AP3B1: variants seen among roughly 807,000 people sequenced by gnomAD.
AP3B1 encodes the protein AP-3 complex subunit beta-1.
A neutral mutation model predicts 132.5 loss-of-function variants in AP3B1; 61 were observed. That is an observed-to-expected ratio of 0.46 (90% CI 0.37 to 0.57). The LOEUF (loss-of-function observed/expected upper bound fraction) is 0.57. Ranked by LOEUF, AP3B1 falls within the 20% of genes least tolerant of loss-of-function variation. AP3B1 has a pLI of 0.00. For synonymous variants in AP3B1, 388 were observed against 438.3 expected, an observed-to-expected ratio of 0.89 and a Z score of 1.43; for missense variants, 1,120 against 1,289.4, an observed-to-expected ratio of 0.87 and a Z score of 2.01.
intron 22 of AP3B1, among the ~76,000 whole-genome samples, chr5:78,079,680 G>T (rs1749908208): frequency 6.6e-6 from 1 of 152,088 alleles, no homozygotes; most frequent in African/African-American, 2.4e-5. Context: ...ATTTAATGTA[G>T]CTCACATTTA....
chr5:78,086,690 G>A (rs773415425), intron 22 of AP3B1, among the ~76,000 whole-genome samples: 1 of 152,174 alleles, frequency 6.6e-6, no homozygotes, highest in African/African-American at 2.4e-5. Context: ...AGATCCTGAC[G>A]ATACAGACTG....
chr5:78,161,262 A>T (rs1370067435), intron 13 of AP3B1, among the ~76,000 whole-genome samples: 1 of 151,996 alleles, frequency 6.6e-6, no homozygotes, highest in Non-Finnish European at 1.5e-5. Flanking sequence ...CCAAAGCTTG[A>T]AATTTTCCAT....
At chr5:78,274,757 C>T (rs1250857962) in intron 1 of AP3B1, among the ~76,000 whole-genome samples, 1 of 152,012 alleles carries the variant, frequency 6.6e-6, no homozygotes, top group Non-Finnish European at 1.5e-5. Flanking sequence ...CCAGTCTCTA[C>T]AAAAAATATT....
At chr5:78,203,010 G>C (rs1009213102) in intron 7 of AP3B1, among the ~76,000 whole-genome samples, 2 of 152,104 alleles carry the variant, frequency 1.3e-5, no homozygotes, top group Non-Finnish European at 2.9e-5. Flanking sequence ...GAACTTACTT[G>C]TTGACTTTTT....
At chr5:78,045,380 CAAAAAAAAAAA>C (rs71608139) in intron 22 of AP3B1, among the ~76,000 whole-genome samples, 2 of 63,918 alleles carry the variant, frequency 3.1e-5, no homozygotes, top group Non-Finnish European at 6.5e-5. Flanking sequence ...GGCTCTGTCT[CAAAAAAAAAAA>C]AAAAAAAAAC....
intron 8 of AP3B1, among the ~76,000 whole-genome samples, chr5:78,180,700 T>C (rs1744328221): frequency 6.6e-6 from 1 of 151,990 alleles, no homozygotes; most frequent in African/African-American, 2.4e-5. Flanking sequence ...TACAGTATGA[T>C]TTTTATCTTG....
chr5:78,136,073 A>G (rs977681368), intron 15 of AP3B1, among the ~76,000 whole-genome samples: 2 of 152,070 alleles, frequency 1.3e-5, no homozygotes, highest in Non-Finnish European at 2.9e-5. Flanking sequence ...TCTCAGTAGG[A>G]TAAACCCAAA....
chr5:78,069,592 A>C (rs1749448210), intron 22 of AP3B1, among the ~76,000 whole-genome samples: 1 of 152,216 alleles, frequency 6.6e-6, no homozygotes, highest in Non-Finnish European at 1.5e-5. Context: ...CTGCTCAAGG[A>C]AATCAGAGAG....
At chr5:78,119,680 T>A (rs1421377682) in intron 17 of AP3B1, among the ~76,000 whole-genome samples, 9 of 152,090 alleles carry the variant, frequency 5.9e-5, no homozygotes, top group Admixed American at 5.9e-4. Flanking sequence ...CCAAGAAATG[T>A]GGGACTATGT....
At chr5:78,095,937 G>A (rs1750751851) in intron 21 of AP3B1, among the ~76,000 whole-genome samples, 1 of 152,180 alleles carries the variant, frequency 6.6e-6, no homozygotes. Context: ...TGGGATCAAA[G>A]TTCCCTTAAA....
chr5:78,163,704 T>C (rs1425676726), intron 12 of AP3B1, among the ~76,000 whole-genome samples: 2 of 149,586 alleles, frequency 1.3e-5, no homozygotes, highest in African/African-American at 4.9e-5. Flanking sequence ...AATAAAGAAA[T>C]AAATCACTGA....
chr5:78,200,658 C>G (rs1287586866), intron 7 of AP3B1, among the ~76,000 whole-genome samples: 6 of 152,032 alleles, frequency 3.9e-5, no homozygotes, highest in Non-Finnish European at 8.8e-5. Flanking sequence ...TCATTAAAAA[C>G]AACAACAAAA....
intron 7 of AP3B1, among the ~76,000 whole-genome samples, chr5:78,195,961 C>T (rs1745063947): frequency 6.6e-6 from 1 of 152,074 alleles, no homozygotes; most frequent in South Asian, 2.1e-4. Context: ...ATCTAGATGA[C>T]CTTGGGTATG....
Position 78,242,532 on chromosome 5 carries a change from G to A in AP3B1, c.205-1596C>T, listed in dbSNP as rs143496876. On this transcript the variant is annotated intron_variant, in intron 2 of 26. Coordinates refer to ENST00000255194, the MANE Select transcript of AP3B1 (RefSeq NM_003664.5). ...AGCGATTCTCCTGCTTCAGTCTCCCGAGTAGCTGGGATTACAGGCACCTGA... is the reference window on the plus strand; with the variant it reads ...AGCGATTCTCCTGCTTCAGTCTCCCAAGTAGCTGGGATTACAGGCACCTGA... 3.1e-3 allele frequency among the ~76,000 whole-genome samples: 471 copies of A among 152,098 alleles called. 2 individuals are homozygous for A. Among genetic ancestry groups the A allele is most frequent in the African/African-American group, 0.011 (447 of 41,482 alleles).
Position 78,181,662 on chromosome 5 carries a change from C to G in AP3B1, c.787G>C (p.Gly263Arg), listed in dbSNP as rs1044368703. ...RTQFVSPWKE[G>R]DELEDNGKNF... is the part of the protein sequence containing the mutation. ...TTTCCATTGTCTTCTAATTCATCAC[C>G]CTACAATGAAAGAAATCCAACCCAA... The change falls in exon 8 of 27, where the codon GGT (glycine) becomes CGT (arginine). Residue 263 changes from glycine to arginine, a missense_variant and splice_region_variant. By Grantham distance (125) the Gly-to-Arg change is moderately radical. This residue lies in a region of AP3B1 where 906 missense variants were observed against 997.1 expected (regional missense o/e 0.91). Coordinates refer to ENST00000255194, the MANE Select transcript of AP3B1 (RefSeq NM_003664.5). 1.2e-6 allele frequency: 2 copies of G among 1,610,976 alleles called. No homozygotes were observed. Among genetic ancestry groups the G allele is most frequent in the African/African-American group, 2.7e-5 (2 of 74,812 alleles).
chr5:78,226,448 A>C (rs769278277), intron 5 of AP3B1, among the ~76,000 whole-genome samples: 6 of 152,114 alleles, frequency 3.9e-5, no homozygotes, highest in Non-Finnish European at 5.9e-5. Context: ...CCATCTCATT[A>C]CATCTTTACT....
intron 7 of AP3B1, among the ~76,000 whole-genome samples, chr5:78,202,832 TAAAC>T (rs1176638623): frequency 6.6e-6 from 1 of 152,168 alleles, no homozygotes; most frequent in African/African-American, 2.4e-5. Context: ...AAAATAATCA[TAAAC>T]AAATATTGAA....
At chr5:78,112,222 A>G (rs1751624699) in intron 19 of AP3B1, among the ~76,000 whole-genome samples, 1 of 152,228 alleles carries the variant, frequency 6.6e-6, no homozygotes, top group African/African-American at 2.4e-5. Context: ...TGGAGGAAAT[A>G]TGATTGCTAT....
chr5:78,020,600 TG>T (rs1747048978), intron 25 of AP3B1, 91 bp downstream of exon 25: 1 of 996,494 alleles, frequency 1.0e-6, no homozygotes, highest in Non-Finnish European at 1.6e-6. Context: ...TTAATGGCTA[TG>T]TACCTATGAA....
Sources: allele counts gnomAD v4.1 joint callset (sites outside exome capture counted in the v4.1 genomes callset), GRCh38; gene constraint gnomAD v4.1.1; regional missense constraint gnomAD v4.1.1; transcripts MANE v1.5; gene names NCBI Gene and HGNC (gene_info 2026-07-23, HGNC 2026-07-21).